Variants in PINK1 observed in about 807,000 individuals in gnomAD.
The protein encoded by PINK1 is serine/threonine-protein kinase PINK1, mitochondrial.
Under a neutral mutation model 56.0 loss-of-function variants are expected in PINK1, and 58 were observed. The observed-to-expected ratio is 1.04, with a 90% CI of 0.84 to 1.29. The LOEUF is 1.29. Ranked by LOEUF, PINK1 falls within the 50% of genes most tolerant of loss-of-function variation. The pLI, the probability that PINK1 is intolerant of heterozygous loss-of-function variation, is 0.00. For synonymous variants in PINK1, 354 were observed against 339.3 expected (o/e 1.04, Z -0.48); for missense variants, 745 against 777.9 (o/e 0.96, Z 0.50).
At chr1:20,649,325 A>G in intron 7 of PINK1, 94 bp downstream of exon 7, 1 of 1,308,810 alleles carries the variant, frequency 7.6e-7, no homozygotes, top group Non-Finnish European at 1.1e-6. Flanking sequence ...AGCCACAGTG[A>G]CAGATCCTCT....
intron 1 of PINK1, among the ~76,000 whole-genome samples, chr1:20,636,255 T>C (rs959214463): frequency 2.0e-5 from 3 of 150,452 alleles, no homozygotes; most frequent in Non-Finnish European, 4.4e-5. Context: ...TACTATAATA[T>C]GTATGTTCCA....
rs980886088 is a variant in PINK1, at chr1:20,644,521, C to T, written c.808C>T (p.Pro270Ser). The change falls in exon 4 of 8, where the codon CCT (proline) becomes TCT (serine). Residue 270 changes from proline to serine, a missense_variant. Pro to Ser is a moderately conservative substitution (Grantham distance 74). Transcript: ENST00000321556. ...KSKRGPKQLAPHPNIIRVLRA... is the reference protein window; with the variant it reads ...KSKRGPKQLASHPNIIRVLRA... Reference sequence around the variant, plus strand: ...CAAGAGAGGTCCCAAGCAACTAGCCCCTCACCCCAACATCATCCGGGTTCT... The same window carrying T: ...CAAGAGAGGTCCCAAGCAACTAGCCTCTCACCCCAACATCATCCGGGTTCT... The T allele has an allele frequency of 1.2e-6, 2 of 1,614,094 alleles. No homozygotes were observed. Among genetic ancestry groups the T allele is most frequent in the African/African-American group, 1.3e-5 (1 of 74,928 alleles).
At chr1:20,637,466 C>T (rs1015148154) in intron 1 of PINK1, among the ~76,000 whole-genome samples, 5 of 152,116 alleles carry the variant, frequency 3.3e-5, no homozygotes, top group African/African-American at 1.2e-4. Context: ...TGCTAGTTGC[C>T]CAGGAGCCGT....
intron 1 of PINK1, among the ~76,000 whole-genome samples, chr1:20,637,418 T>TGA (rs2053067527): frequency 6.6e-6 from 1 of 152,158 alleles, no homozygotes; most frequent in Non-Finnish European, 1.5e-5. Flanking sequence ...CCCACTTGCC[T>TGA]GAGAGACCCT....
intron 3 of PINK1, 96 bp from the exon 4 acceptor site, chr1:20,644,390 TAATG>T (rs1445149795): frequency 3.1e-6 from 4 of 1,285,388 alleles, no homozygotes; most frequent in Non-Finnish European, 4.5e-6. Context: ...AGTAAGTGAA[TAATG>T]AATGTCAGTG....
chr1:20,644,420 C>G, intron 3 of PINK1, 70 bp from the exon 4 acceptor site: 3 of 1,496,400 alleles, frequency 2.0e-6, no homozygotes, highest in Non-Finnish European at 2.8e-6. Flanking sequence ...GTTGGTGTGG[C>G]CTTAGGTTAT....
chr1:20,646,205 G>A lies in PINK1; in HGVS notation c.1123+482G>A, dbSNP rs114806694. Among the ~76,000 whole-genome samples, 1,075 of 152,200 alleles carry A rather than the reference G, an allele frequency of 7.1e-3. 4 individuals carry two copies. Among genetic ancestry groups the A allele is most frequent in the Non-Finnish European group, 0.011 (737 of 68,016 alleles). On this transcript the variant is annotated intron_variant, in intron 5 of 7. Coordinates refer to ENST00000321556, the MANE Select transcript of PINK1 (RefSeq NM_032409.3). ...AGCTACTTGGGAGGCTGAGGTCGGA[G>A]GATCACTTGAGCCTAGGAGTTAAGA...
Position 20,649,039 on chromosome 1 carries a change from C to A in PINK1, c.1296C>A (p.Ser432Arg). The A allele has an allele frequency of 6.2e-7, 1 of 1,614,014 alleles. No individual in the cohort carries two copies. Among genetic ancestry groups the A allele is most frequent in the Non-Finnish European group, 8.5e-7 (1 of 1,180,044 alleles). Reference sequence around the variant, plus strand: ...GCCCCAGGGCAGTGATTGACTACAGCAAGGCTGATGCCTGGGCAGTGGGAG... The same window carrying A: ...GCCCCAGGGCAGTGATTGACTACAGAAAGGCTGATGCCTGGGCAGTGGGAG... ...RPGPRAVIDY[S>R]KADAWAVGAI... Residue 432 changes from serine (S) to arginine (R), a missense_variant, in exon 7 of 8, where the codon AGC (serine) becomes AGA (arginine). Transcript: ENST00000321556.
rs370236449 is a variant in PINK1 at position 20,640,009 on chromosome 1, T to C, written c.776+17T>C. On this transcript the variant is annotated intron_variant, in intron 3 of 7. Coordinates refer to ENST00000321556, the MANE Select transcript of PINK1 (RefSeq NM_032409.3). ...CACTTACAGGTAAGTGCCCTCTGCCTGCCAGACTGACTGGGACTTCTTTGA... is the reference window on the plus strand; with the variant it reads ...CACTTACAGGTAAGTGCCCTCTGCCCGCCAGACTGACTGGGACTTCTTTGA... 1 of 1,584,448 alleles carries C rather than the reference T, an allele frequency of 6.3e-7. No homozygotes were observed. Among genetic ancestry groups the C allele is most frequent in the Admixed American group, 1.8e-5 (1 of 56,030 alleles).
intron 5 of PINK1, among the ~76,000 whole-genome samples, chr1:20,647,394 G>C (rs899670726): frequency 6.7e-6 from 1 of 150,238 alleles, no homozygotes; most frequent in African/African-American, 2.5e-5. Context: ...CTGGCCTCAA[G>C]TGATCCACCC....
At chr1:20,642,010 C>T (rs2053120080) in intron 3 of PINK1, among the ~76,000 whole-genome samples, 2 of 152,162 alleles carry the variant, frequency 1.3e-5, no homozygotes, top group Non-Finnish European at 2.9e-5. Flanking sequence ...GCCCAGGGGC[C>T]CGAGGGTGGA....
intron 4 of PINK1, 48 bp downstream of exon 4, chr1:20,644,720 G>A (rs560751763): frequency 9.7e-5 from 156 of 1,603,822 alleles, no homozygotes; most frequent in Admixed American, 4.0e-4. Context: ...CATCTCCCAA[G>A]GGGAGCTGGT....
At chr1:20,650,130 G>C (rs1007453183) in intron 7 of PINK1, 12 of 455,978 alleles carry the variant, frequency 2.6e-5, no homozygotes, top group African/African-American at 2.2e-4. Context: ...TGATAGAGGA[G>C]ACTACTTACC....
In PINK1 at chr1:20,646,642, C is replaced by G. The variant is rs537354158; in HGVS notation, c.1123+919C>G. On this transcript the variant is annotated intron_variant, in intron 5 of 7. Coordinates refer to ENST00000321556, the MANE Select transcript of PINK1 (RefSeq NM_032409.3). The stretch of plus-strand genomic sequence containing the variant: ...CTGGCGACAGAGTGAGAGTCCATCT[C>G]AAAATAAATTAATTAATTAATTAAA... Among the ~76,000 whole-genome samples the G allele has an allele frequency of 4.8e-5, 3 of 63,148 alleles. No individual in the cohort carries two copies. In the East Asian group the frequency reaches 1.3e-3, roughly 27 times the overall value. 41.4% of individuals were successfully genotyped at this position (63,148 alleles called of 152,430 possible).
chr1:20,647,466 CTTTTTTT>C (rs34054663), intron 5 of PINK1, among the ~76,000 whole-genome samples: 1 of 73,202 alleles, frequency 1.4e-5, no homozygotes, highest in Non-Finnish European at 2.4e-5. Context: ...TGGGAGTTGG[CTTTTTTT>C]TTTTTTTTTT....
intron 4 of PINK1, among the ~76,000 whole-genome samples, chr1:20,645,270 C>T (rs1228979416): frequency 6.6e-6 from 1 of 152,094 alleles, no homozygotes; most frequent in Non-Finnish European, 1.5e-5. Flanking sequence ...GGGTAGATCA[C>T]TTGAGGTCAG....
chr1:20,647,213 C>T (rs1557565728), intron 5 of PINK1, among the ~76,000 whole-genome samples: 3 of 151,832 alleles, frequency 2.0e-5, no homozygotes, highest in African/African-American at 4.8e-5. Context: ...CCCACCACCA[C>T]GCCCGGCTAA....
At position 20,651,232 on chromosome 1, in the gene PINK1, T is replaced by C. The variant is rs2053270216; in HGVS notation, c.*541T>C. 5.7e-6 allele frequency: 1 copy of C among 174,150 alleles called. No individual in the cohort carries two copies. Among genetic ancestry groups the C allele is most frequent in the Non-Finnish European group, 1.3e-5 (1 of 79,710 alleles). 10.8% of individuals were successfully genotyped at this position (174,150 alleles called of 1,614,324 possible). A position where few individuals can be genotyped will look rare whatever the true frequency, so the allele number is the denominator to read the frequency against. On this transcript the variant is annotated 3_prime_UTR_variant, in exon 8 of 8. Coordinates refer to ENST00000321556, the MANE Select transcript of PINK1 (RefSeq NM_032409.3). ...GACGGATGAGCAGTAAGTAAGTAAG[T>C]GTGGGGATTTAAACTTGAGGGTTTC... is the stretch of plus-strand genomic sequence containing the variant.
intron 5 of PINK1, 178 bp from the exon 6 acceptor site, chr1:20,648,327 C>T: frequency 2.5e-6 from 2 of 813,812 alleles, no homozygotes; most frequent in Non-Finnish European, 4.0e-6. Flanking sequence ...GAGGCATTTC[C>T]GTGTTCGCAC....
Sources: gnomAD v4.1 joint callset for allele counts (sites outside exome capture counted in the v4.1 genomes callset) on GRCh38, gnomAD v4.1.1 for gene constraint, MANE v1.5 for transcripts, NCBI Gene and HGNC (gene_info 2026-07-23, HGNC 2026-07-21) for gene names.